The following NRDC variants were observed in gnomAD, a reference collection of about 807,000 sequenced individuals.
NRDC encodes the protein nardilysin.
A neutral mutation model predicts 147.1 loss-of-function variants in NRDC; 54 were observed. That is an observed-to-expected ratio of 0.37 (90% CI 0.29 to 0.46). The LOEUF (loss-of-function observed/expected upper bound fraction) is 0.46. Ranked by LOEUF, NRDC falls within the 20% of genes least tolerant of loss-of-function variation. The pLI is 1.00. For missense variants in NRDC, 1,082 were observed against 1,370.6 expected, an observed-to-expected ratio of 0.79 and a Z score of 3.33; for synonymous variants, 440 against 482.1, an observed-to-expected ratio of 0.91 and a Z score of 1.14.
intron 9 of NRDC, 99 bp downstream of exon 9, chr1:51,819,700 TG>T (rs1680127398): frequency 1.1e-6 from 1 of 900,528 alleles, no homozygotes; most frequent in African/African-American, 1.7e-5. Context: ...CTGTATTTTC[TG>T]TTGTGTTCTC....
rs374048013 is a variant in NRDC at position 51,812,140 on chromosome 1, A to T, written c.1675-42T>A. ...TATTTCACACCAGAACTTCTCCATT[A>T]TTATATTTGATTTACCACAACATAC... On this transcript the variant is annotated intron_variant, in intron 14 of 30. Transcript: ENST00000352171. 38 of 1,317,932 alleles carry T rather than the reference A, an allele frequency of 2.9e-5. No homozygotes were observed. The African/African-American group carries it at 3.2e-4, about 11-fold the overall frequency. 81.6% of individuals were successfully genotyped at this position (1,317,932 alleles called of 1,614,324 possible).
At chr1:51,837,498 T>G in intron 2 of NRDC, 1 of 1,587,452 alleles carries the variant, frequency 6.3e-7, no homozygotes. Flanking sequence ...TGCTTTCAGC[T>G]CCAACTACCC....
rs1194276809 is a variant in NRDC at position 51,875,165 on chromosome 1, G to C, written c.341+3110C>G. On this transcript the variant is annotated intron_variant, in intron 1 of 30. Transcript: ENST00000352171. ...TACAAAAATTCATAGAATTGAATTT[G>C]GATAAGTCTTTAAAGATCACCTAGT... Among the ~76,000 whole-genome samples, 4 of 152,110 alleles carry C rather than the reference G, an allele frequency of 2.6e-5. No individual in the cohort carries two copies. The East Asian group carries it at 7.7e-4, about 29-fold the overall frequency.
chr1:51,847,338 C>G (rs1293060267), intron 1 of NRDC, among the ~76,000 whole-genome samples: 1 of 152,242 alleles, frequency 6.6e-6, no homozygotes, highest in Non-Finnish European at 1.5e-5. Context: ...AGCACCGGGC[C>G]AGCAGGTGGA....
intron 1 of NRDC, among the ~76,000 whole-genome samples, chr1:51,847,625 T>G (rs1681717332): frequency 6.6e-6 from 1 of 152,174 alleles, no homozygotes; most frequent in African/African-American, 2.4e-5. Flanking sequence ...GCCTGGGTGC[T>G]AAGCCCCTCA....
At chr1:51,798,153 T>C in intron 22 of NRDC, 96 bp downstream of exon 22, 2 of 1,274,860 alleles carry the variant, frequency 1.6e-6, no homozygotes. Context: ...AATGCTGGCC[T>C]GCCAAAACTA....
At chr1:51,794,750 TA>T (rs1188740896) in intron 23 of NRDC, 72 bp downstream of exon 23, 30 of 1,596,076 alleles carry the variant, frequency 1.9e-5, no homozygotes, top group Admixed American at 1.5e-4. Flanking sequence ...TAGTAACAAT[TA>T]ACTGAATTGT....
intron 1 of NRDC, among the ~76,000 whole-genome samples, chr1:51,847,873 G>A (rs1383822413): frequency 2.6e-5 from 4 of 152,250 alleles, no homozygotes; most frequent in African/African-American, 7.2e-5. Flanking sequence ...CACCGAGGCC[G>A]AGGAGGCGCC....
At chr1:51,836,974 G>A (rs1205339233) in intron 2 of NRDC, among the ~76,000 whole-genome samples, 1 of 145,990 alleles carries the variant, frequency 6.8e-6, no homozygotes, top group African/African-American at 2.5e-5. Flanking sequence ...TAAGACAGGG[G>A]TCTTGCTATG....
chr1:51,877,059 G>A (rs979009202), intron 1 of NRDC, among the ~76,000 whole-genome samples: 1 of 152,122 alleles, frequency 6.6e-6, no homozygotes, highest in Non-Finnish European at 1.5e-5. Context: ...GTGGTGGCGA[G>A]CACCTGTAGT....
At chr1:51,814,900 TA>T in intron 11 of NRDC, 87 bp from the exon 12 acceptor site, 5 of 1,338,386 alleles carry the variant, frequency 3.7e-6, no homozygotes, top group Non-Finnish European at 5.0e-6. Flanking sequence ...AGAGGCTTTC[TA>T]TGTAAAATGT....
At chr1:51,791,540 A>G in intron 27 of NRDC, 38 bp downstream of exon 27, 3 of 1,510,380 alleles carry the variant, frequency 2.0e-6, no homozygotes, top group Non-Finnish European at 2.8e-6. Flanking sequence ...CTCCATGTCC[A>G]TAATAGGTTA....
At chr1:51,820,948 A>C (rs1346550065) in intron 8 of NRDC, among the ~76,000 whole-genome samples, 1 of 152,138 alleles carries the variant, frequency 6.6e-6, no homozygotes, top group Non-Finnish European at 1.5e-5. Context: ...TTTGAGGTGG[A>C]GAAAAAATGT....
chr1:51,846,412 C>T (rs942056312), intron 1 of NRDC, among the ~76,000 whole-genome samples: 23 of 152,188 alleles, frequency 1.5e-4, no homozygotes, highest in Non-Finnish European at 4.4e-5. Context: ...CCGTGCACAG[C>T]CGACACTTTA....
chr1:51,812,530 A>C (rs1230058218), intron 14 of NRDC, among the ~76,000 whole-genome samples: 1 of 149,928 alleles, frequency 6.7e-6, no homozygotes, highest in Non-Finnish European at 1.5e-5. Context: ...CCTATCTCCA[A>C]AAAAAAAAAA....
At chr1:51,820,340 T>G (rs1010206812) in intron 8 of NRDC, among the ~76,000 whole-genome samples, 3 of 152,208 alleles carry the variant, frequency 2.0e-5, no homozygotes, top group African/African-American at 7.2e-5. Context: ...TTGAAGATAT[T>G]GTAACTTTAA....
intron 1 of NRDC, among the ~76,000 whole-genome samples, chr1:51,861,298 ACTCTGCCACAGAGATAATCAAAT>A (rs1464009636): frequency 9.7e-6 from 1 of 102,784 alleles, no homozygotes; most frequent in Non-Finnish European, 2.0e-5. Context: ...ACAGGGTCTC[ACTCTGCCACAGAGATAATCAAAT>A]CTCTTCTTCT....
intron 3 of NRDC, among the ~76,000 whole-genome samples, chr1:51,835,452 T>G (rs549081878): frequency 3.3e-4 from 50 of 150,240 alleles, no homozygotes; most frequent in African/African-American, 1.2e-3. Context: ...AATTTCTAGG[T>G]TTTTTTTGTT....
chr1:51,828,770 A>G (rs1680568391), intron 4 of NRDC, among the ~76,000 whole-genome samples: 2 of 150,856 alleles, frequency 1.3e-5, no homozygotes, highest in Non-Finnish European at 2.9e-5. Flanking sequence ...TCAGGCTAGA[A>G]TGCAGTGGCA....
Sources: gnomAD v4.1 joint callset for allele counts (sites outside exome capture counted in the v4.1 genomes callset) on GRCh38, gnomAD v4.1.1 for gene constraint, MANE v1.5 for transcripts, NCBI Gene and HGNC (gene_info 2026-07-23, HGNC 2026-07-21) for gene names.